Variants in SPIRE2 observed in about 807,000 individuals in gnomAD.
SPIRE2 encodes spire type actin nucleation factor 2.
Under a neutral mutation model 80.7 loss-of-function variants are expected in SPIRE2, and 76 were observed. The ratio of observed to expected loss-of-function variants is 0.94; its 90% CI spans 0.78 to 1.14. The LOEUF is 1.14. SPIRE2 is among the 50% of genes most tolerant of loss of function. SPIRE2 has a pLI of 0.00. For synonymous variants in SPIRE2, 535 were observed against 432.6 expected (o/e 1.24, Z -2.94); for missense variants, 1,196 against 1,015.3 (o/e 1.18, Z -2.42).
intron 2 of SPIRE2, chr16:89,845,770 C>T (rs879662476): frequency 1.7e-6 from 1 of 604,914 alleles, no homozygotes; most frequent in Non-Finnish European, 3.0e-6. Flanking sequence ...AAAACTGGAA[C>T]CTCACCGCAG....
In SPIRE2 at chr16:89,828,537, A is replaced by T; in HGVS notation, c.-14A>T. 2 of 1,076,726 alleles carry T rather than the reference A, an allele frequency of 1.9e-6. No individual in the cohort carries two copies. The highest frequency in any genetic ancestry group is 2.2e-6 in the Non-Finnish European group (2 of 891,282). 66.7% of individuals were successfully genotyped at this position (1,076,726 alleles called of 1,614,324 possible). On this transcript the variant is annotated 5_prime_UTR_variant, in exon 1 of 15. An upstream start codon of the reference 5' UTR is lost. Coordinates refer to ENST00000378247, the MANE Select transcript of SPIRE2 (RefSeq NM_032451.2). This position sits in a 1 kb window ranked among gnomAD's most constrained non-coding sequence, Gnocchi z 5.9. ...ACGCGGGTCCGGCGCGCGGGAGGCG[A>T]TGACGGCCCCGCCATGGCCCGGGCG...
intron 1 of SPIRE2, among the ~76,000 whole-genome samples, chr16:89,843,713 TTTTTGAGACAGAGTCTCGCTTTG>T: frequency 1.6e-5 from 1 of 63,104 alleles, no homozygotes; most frequent in Non-Finnish European, 2.9e-5. Context: ...TTTTTTTTTT[TTTTTGAGACAGAGTCTCGCTTTG>T]TTGCCCAGGC....
In SPIRE2 at chr16:89,856,106, A is replaced by C. The variant is rs1480629205; in HGVS notation, c.979-7A>C. 1 of 1,610,074 alleles carries C rather than the reference A, an allele frequency of 6.2e-7. No individual in the cohort carries two copies. Among genetic ancestry groups the C allele is most frequent in the Non-Finnish European group, 8.5e-7 (1 of 1,178,774 alleles). On this transcript the variant is annotated splice_polypyrimidine_tract_variant and splice_region_variant and intron_variant, in intron 6 of 14. Coordinates refer to ENST00000378247, the MANE Select transcript of SPIRE2 (RefSeq NM_032451.2). ...TCCCCACCGCAGGTCTCGCTTCCCC[A>C]CCGCAGGTCTCTGAGAGGCGGCTGC...
chr16:89,844,061 T>C (rs1444080619), intron 1 of SPIRE2, among the ~76,000 whole-genome samples: 1 of 150,330 alleles, frequency 6.7e-6, no homozygotes, highest in African/African-American at 2.5e-5. Flanking sequence ...ACTGGTGCAA[T>C]CTTGGCTCAC....
intron 2 of SPIRE2, among the ~76,000 whole-genome samples, chr16:89,848,925 T>C (rs1213933302): frequency 3.1e-5 from 4 of 129,674 alleles, no homozygotes; most frequent in South Asian, 2.4e-4. Context: ...CCTTCTGCAG[T>C]GTTTCTGCAG....
intron 12 of SPIRE2, among the ~76,000 whole-genome samples, chr16:89,865,208 A>G (rs1403726089): frequency 1.3e-5 from 2 of 152,016 alleles, no homozygotes; most frequent in Non-Finnish European, 1.5e-5. Flanking sequence ...GGGTTTCACC[A>G]TGTTAGCCAG....
Position 89,850,847 on chromosome 16 carries a change from GTTT to G in SPIRE2, c.645+192_645+194del, listed in dbSNP as rs979091842. On this transcript the variant is annotated intron_variant, in intron 3 of 14. Coordinates refer to ENST00000378247, the MANE Select transcript of SPIRE2 (RefSeq NM_032451.2). The stretch of plus-strand genomic sequence containing the variant: ...TTGTTGTTTTTTTGTTGTTGTTGTT[GTTT>G]TTTTAGACAGGGTCTCACTCTGTCA... 1.1e-4 allele frequency among the ~76,000 whole-genome samples: 16 copies of G among 151,662 alleles called. 1 individual carries two copies. Among genetic ancestry groups the G allele is most frequent in the Admixed American group, 8.5e-4 (13 of 15,232 alleles).
At chr16:89,864,333 G>C (rs780574736) in intron 12 of SPIRE2, among the ~76,000 whole-genome samples, 21 of 151,828 alleles carry the variant, frequency 1.4e-4, no homozygotes, top group Admixed American at 3.3e-4. Flanking sequence ...GGGCTGCGCC[G>C]AGAAAGCCTC....
chr16:89,866,819 C>G (rs1401796001), intron 12 of SPIRE2, among the ~76,000 whole-genome samples: 2 of 149,930 alleles, frequency 1.3e-5, no homozygotes, highest in Non-Finnish European at 1.5e-5. Flanking sequence ...CCATGTTAGC[C>G]AGGATGGTCT....
intron 12 of SPIRE2, among the ~76,000 whole-genome samples, chr16:89,864,212 G>A (rs1011069921): frequency 6.6e-6 from 1 of 152,150 alleles, no homozygotes; most frequent in Non-Finnish European, 1.5e-5. Context: ...TGCCTGGAGA[G>A]TTTCTAGGTC....
chr16:89,833,967 G>A (rs2041413709), intron 1 of SPIRE2, among the ~76,000 whole-genome samples: 1 of 152,186 alleles, frequency 6.6e-6, no homozygotes. Flanking sequence ...TGTGTGAGCT[G>A]GGGTTTGTTT....
intron 2 of SPIRE2, among the ~76,000 whole-genome samples, chr16:89,849,563 T>C (rs2041601345): frequency 5.9e-5 from 9 of 152,214 alleles, no homozygotes; most frequent in Admixed American, 5.9e-4. Context: ...CGTGTAATTG[T>C]CCATCGACCT....
chr16:89,834,080 C>G (rs1454212433), intron 1 of SPIRE2, among the ~76,000 whole-genome samples: 1 of 151,208 alleles, frequency 6.6e-6, no homozygotes, highest in Non-Finnish European at 1.5e-5. Flanking sequence ...ATCTGTGAAC[C>G]TGCCTGCGCT....
intron 6 of SPIRE2, 23 bp from the exon 7 acceptor site, chr16:89,856,090 C>A: frequency 3.7e-6 from 6 of 1,601,712 alleles, no homozygotes; most frequent in Non-Finnish European, 5.1e-6. Flanking sequence ...TTCCCCACCG[C>A]AGGTCTCGCT....
In SPIRE2 at chr16:89,863,592, C is replaced by T; in HGVS notation, c.1692C>T (p.Ser564=). The change falls in exon 11 of 15, where the codon AGC becomes AGT. Residue 564 remains serine, a synonymous_variant. Coordinates refer to ENST00000378247, the MANE Select transcript of SPIRE2 (RefSeq NM_032451.2). This position sits in a 1 kb window ranked among gnomAD's most constrained non-coding sequence, Gnocchi z 4.3. ...EKFLQNKELF[S]SLKKGKICCC... is the part of the protein sequence containing the mutation. ...TTTTGCAGAACAAGGAGCTCTTCAG[C>T]AGTCTGAAGAAGGGGAAGGTGAGGC... The T allele has an allele frequency of 6.2e-7, 1 of 1,614,116 alleles. No individual in the cohort carries two copies. The highest frequency in any genetic ancestry group is 8.5e-7 in the Non-Finnish European group (1 of 1,180,044).
intron 5 of SPIRE2, among the ~76,000 whole-genome samples, chr16:89,854,894 G>A (rs965636874): frequency 6.6e-6 from 1 of 152,190 alleles, no homozygotes; most frequent in African/African-American, 2.4e-5. Context: ...AGGTTCTGGA[G>A]GTCCAGGAAT....
chr16:89,836,828 A>AG (rs1474850381), intron 1 of SPIRE2, among the ~76,000 whole-genome samples: 1 of 150,876 alleles, frequency 6.6e-6, no homozygotes, highest in African/African-American at 2.5e-5. Flanking sequence ...GAAAAAAAAA[A>AG]AAAAGAAAAA....
chr16:89,840,772 A>T (rs1488377460), intron 1 of SPIRE2, among the ~76,000 whole-genome samples: 1 of 149,416 alleles, frequency 6.7e-6, no homozygotes, highest in South Asian at 2.1e-4. Flanking sequence ...AGTAGCTGGG[A>T]CTACAGGTGC....
intron 3 of SPIRE2, 60 bp downstream of exon 3, chr16:89,850,720 G>T (rs1475019542): frequency 2.6e-6 from 3 of 1,163,584 alleles, no homozygotes; most frequent in Non-Finnish European, 3.5e-6. Context: ...GGAGCAGTGG[G>T]TGGGAGGGGA....
Sources: gnomAD v4.1 joint callset for allele counts (sites outside exome capture counted in the v4.1 genomes callset) on GRCh38, gnomAD v4.1.1 for gene constraint, Gnocchi (gnomAD v3.1) non-coding constraint, MANE v1.5 for transcripts, NCBI Gene and HGNC (gene_info 2026-07-23, HGNC 2026-07-21) for gene names.